Variants in WHR1 observed in about 807,000 individuals in gnomAD.
The protein encoded by WHR1 is winged helix repair factor 1.
At chr6:31,976,545 T>G in the WHR1 span, among the ~76,000 whole-genome samples, 2 of 148,140 alleles carry the variant, frequency 1.4e-5, no homozygotes, top group Non-Finnish European at 3.0e-5. Flanking sequence ...GCAGAGACAC[T>G]CCTCACTTTC....
chr6:31,971,846 C>T, the WHR1 span: 1 of 1,359,446 alleles, frequency 7.4e-7, no homozygotes, highest in South Asian at 1.4e-5. This position sits in a 1 kb window ranked among gnomAD's most constrained non-coding sequence, Gnocchi z 4.5. Context: ...TCTTTCCTTG[C>T]CCTTCACCCA....
the WHR1 span, among the ~76,000 whole-genome samples, chr6:31,973,679 G>A: frequency 1.2e-4 from 18 of 152,260 alleles, no homozygotes; most frequent in African/African-American, 3.9e-4. Context: ...GGTTTAGAGT[G>A]GAAGTTAATA....
chr6:31,978,445 T>A, the WHR1 span, among the ~76,000 whole-genome samples: 1 of 152,216 alleles, frequency 6.6e-6, no homozygotes, highest in Admixed American at 6.5e-5. Context: ...TCTTAAACAA[T>A]TTTAAAATAA....
chr6:31,973,074 G>GA, the WHR1 span: 2 of 617,202 alleles, frequency 3.2e-6, no homozygotes, highest in South Asian at 3.1e-5. Flanking sequence ...ATCTTACACT[G>GA]AGGCGATGGG....
the WHR1 span, among the ~76,000 whole-genome samples, chr6:31,977,862 C>T: frequency 4.6e-5 from 7 of 151,910 alleles, no homozygotes; most frequent in Non-Finnish European, 1.0e-4. Flanking sequence ...GGCATGATCT[C>T]GGCTCACAGC....
At chr6:31,976,488 C>T in the WHR1 span, among the ~76,000 whole-genome samples, 3 of 151,454 alleles carry the variant, frequency 2.0e-5, no homozygotes, top group African/African-American at 4.9e-5. Flanking sequence ...AGACGATGAG[C>T]GGCCGGGCAG....
chr6:31,971,607 A>G, the WHR1 span: 2 of 1,613,370 alleles, frequency 1.2e-6, no homozygotes, highest in Non-Finnish European at 1.7e-6. The surrounding 1 kb of genome is among the most constrained non-coding windows in gnomAD (Gnocchi z 4.5). Context: ...GTGCTGGACG[A>G]GGTAGTTTGT....
the WHR1 span, among the ~76,000 whole-genome samples, chr6:31,975,875 A>G: frequency 6.7e-6 from 1 of 149,872 alleles, no homozygotes; most frequent in Non-Finnish European, 1.5e-5. Flanking sequence ...GGCGCCCCTC[A>G]CCTCCCGGAC....
At chr6:31,975,095 A>G in the WHR1 span, among the ~76,000 whole-genome samples, 509 of 152,272 alleles carry the variant, frequency 3.3e-3, 5 homozygotes, top group Admixed American at 0.025. Flanking sequence ...AGGTCAAACT[A>G]TAGAATATGA....
At chr6:31,971,954 C>T in the WHR1 span, 1 of 1,566,600 alleles carries the variant, frequency 6.4e-7, no homozygotes, top group African/African-American at 1.3e-5. This position sits in a 1 kb window ranked among gnomAD's most constrained non-coding sequence, Gnocchi z 4.5. Context: ...CTTCCACCTC[C>T]GCAGAGCTAT....
the WHR1 span, chr6:31,980,410 G>C: frequency 1.3e-6 from 2 of 1,548,020 alleles, no homozygotes; most frequent in Non-Finnish European, 1.8e-6. Context: ...ATGGTTCTCA[G>C]AGCCCAGCCC....
At chr6:31,973,581 G>C in the WHR1 span, among the ~76,000 whole-genome samples, 2 of 152,152 alleles carry the variant, frequency 1.3e-5, no homozygotes. Flanking sequence ...CCAGAAAAAT[G>C]CACGTTTGCC....
At chr6:31,972,628 G>A in the WHR1 span, 1 of 1,608,166 alleles carries the variant, frequency 6.2e-7, no homozygotes, top group Non-Finnish European at 8.5e-7. The surrounding 1 kb of genome is among the most constrained non-coding windows in gnomAD (Gnocchi z 6.3). Flanking sequence ...CAGGGTCGGC[G>A]CGCGCGGCTG....
At chr6:31,980,365 A>G in the WHR1 span, 2 of 1,254,542 alleles carry the variant, frequency 1.6e-6, no homozygotes, top group Non-Finnish European at 2.2e-6. Context: ...GTGTTTCTGG[A>G]GACTTGTGTA....
chr6:31,979,741 T>A, the WHR1 span: 18 of 689,410 alleles, frequency 2.6e-5, no homozygotes, highest in East Asian at 5.1e-4. Flanking sequence ...CTATCTTACC[T>A]GGGCCTTAGA....
the WHR1 span, chr6:31,972,912 T>C: frequency 8.0e-7 from 1 of 1,256,332 alleles, no homozygotes; most frequent in Non-Finnish European, 1.1e-6. The surrounding 1 kb of genome is among the most constrained non-coding windows in gnomAD (Gnocchi z 6.3). Flanking sequence ...CTGTTAAAAG[T>C]CCCGCAGGTA....
chr6:31,979,737 TAC>T, the WHR1 span: 3 of 702,440 alleles, frequency 4.3e-6, no homozygotes, highest in Non-Finnish European at 6.8e-6. Context: ...AGGCCTATCT[TAC>T]CTGGGCCTTA....
chr6:31,971,426 G>A, the WHR1 span: 1 of 1,610,530 alleles, frequency 6.2e-7, no homozygotes, highest in Non-Finnish European at 8.5e-7. This position sits in a 1 kb window ranked among gnomAD's most constrained non-coding sequence, Gnocchi z 4.5. Flanking sequence ...CCGTCTCTGA[G>A]GTCAAAGTTG....
At chr6:31,971,634 C>T in the WHR1 span, 3 of 1,611,080 alleles carry the variant, frequency 1.9e-6, no homozygotes, top group Non-Finnish European at 2.5e-6. The surrounding 1 kb of genome is among the most constrained non-coding windows in gnomAD (Gnocchi z 4.5). Flanking sequence ...GCTCAGCTAC[C>T]TCTGTCTTCT....
Sources: allele counts gnomAD v4.1 joint callset (sites outside exome capture counted in the v4.1 genomes callset), GRCh38; gene constraint gnomAD v4.1.1; non-coding constraint Gnocchi (gnomAD v3.1); transcripts MANE v1.5; gene names NCBI Gene and HGNC (gene_info 2026-07-23, HGNC 2026-07-21).